The following CDH23 variants were observed in gnomAD, a reference collection of about 807,000 sequenced individuals.
CDH23 encodes the protein cadherin related 23.
CDH23 carries 189 observed loss-of-function variants against 317.1 expected under a neutral mutation model. That is an observed-to-expected ratio of 0.60 (90% CI 0.53 to 0.67). CDH23 has a LOEUF of 0.67. CDH23 is among the 30% of genes least tolerant of loss of function. The pLI, the probability that CDH23 is intolerant of heterozygous loss-of-function variation, is 0.00. For missense variants in CDH23, 4,401 were observed against 4,592.4 expected (o/e 0.96, Z 1.20); for synonymous variants, 1,839 against 1,876.8 (o/e 0.98, Z 0.52).
chr10:71,690,323 C>A, intron 19 of CDH23, 145 bp from the exon 20 acceptor site: 2 of 579,234 alleles, frequency 3.5e-6, no homozygotes, highest in Non-Finnish European at 6.1e-6. Flanking sequence ...ACAGGCAGGC[C>A]TCCCACCTCC....
At chr10:71,447,192 T>C (rs2132025787) in intron 3 of CDH23, among the ~76,000 whole-genome samples, 1 of 152,282 alleles carries the variant, frequency 6.6e-6, no homozygotes, top group East Asian at 1.9e-4. Flanking sequence ...GCCAAGTGCA[T>C]CAGGGGTCAG....
intron 6 of CDH23, among the ~76,000 whole-genome samples, chr10:71,537,609 A>G (rs1855770156): frequency 6.6e-6 from 1 of 152,208 alleles, no homozygotes; most frequent in South Asian, 2.1e-4. Flanking sequence ...CCAGTGATGA[A>G]GGAACAGTGT....
intron 14 of CDH23, among the ~76,000 whole-genome samples, chr10:71,674,064 C>T (rs1205524230): frequency 6.6e-6 from 1 of 152,144 alleles, no homozygotes. Flanking sequence ...AAGAGGCAGC[C>T]CTATACAAGC....
chr10:71,448,776 G>A (rs1051106633), intron 3 of CDH23, among the ~76,000 whole-genome samples: 14 of 152,320 alleles, frequency 9.2e-5, no homozygotes, highest in Admixed American at 2.6e-4. Context: ...AGACCAGCCT[G>A]GAGCCCTCTG....
chr10:71,739,579 C>T, intron 35 of CDH23, 65 bp from the exon 36 acceptor site: 4 of 1,572,714 alleles, frequency 2.5e-6, no homozygotes, highest in South Asian at 2.3e-5. Flanking sequence ...GGGAGTCCCC[C>T]TTGGCTTGAC....
intron 6 of CDH23, among the ~76,000 whole-genome samples, chr10:71,525,923 G>A (rs1008257668): frequency 5.3e-5 from 8 of 152,164 alleles, no homozygotes; most frequent in African/African-American, 1.9e-4. Flanking sequence ...ACCAAACATT[G>A]CCTGAGGGCC....
intron 15 of CDH23, 55 bp downstream of exon 15, chr10:71,675,231 C>T (rs1025593866): frequency 4.1e-6 from 6 of 1,479,516 alleles, no homozygotes; most frequent in South Asian, 1.1e-5. Flanking sequence ...TTGGCCCTCC[C>T]CAGACTCATG....
chr10:71,687,443 G>A (rs184663246), intron 18 of CDH23, among the ~76,000 whole-genome samples: 24 of 152,220 alleles, frequency 1.6e-4, no homozygotes, highest in East Asian at 1.4e-3. Flanking sequence ...TTTCCCCAAG[G>A]CTGGTCCTAC....
At chr10:71,722,454 ACTGAGTGTCAGCCTAGTTCCTCTC>A (rs1282755476) in intron 28 of CDH23, among the ~76,000 whole-genome samples, 1 of 152,214 alleles carries the variant, frequency 6.6e-6, no homozygotes, top group Non-Finnish European at 1.5e-5. Context: ...ATTCGTGCTT[ACTGAGTGTCAGCCTAGTTCCTCTC>A]CCTGGAGCTC....
Position 71,439,212 on chromosome 10 carries a change from T to G in CDH23, c.-5-615T>G, listed in dbSNP as rs559263606. Reference sequence around the variant, plus strand: ...GCTGTGAGGTCCTGGGCAGGTTGCCTCCCCTCTCTGTGCCTCTTTGGACAC... The same window carrying G: ...GCTGTGAGGTCCTGGGCAGGTTGCCGCCCCTCTCTGTGCCTCTTTGGACAC... On this transcript the variant is annotated intron_variant, in intron 1 of 69. Coordinates refer to ENST00000224721, the MANE Select transcript of CDH23 (RefSeq NM_022124.6). Among the ~76,000 whole-genome samples, 17 of 152,268 alleles carry G rather than the reference T, an allele frequency of 1.1e-4. No homozygotes were observed. The South Asian group carries it at 3.1e-3, about 28-fold the overall frequency.
Position 71,751,191 on chromosome 10 carries a change from G to A in CDH23, c.4845+9270G>A, listed in dbSNP as rs957060875. On this transcript the variant is annotated intron_variant, in intron 38 of 69. Coordinates refer to ENST00000224721, the MANE Select transcript of CDH23 (RefSeq NM_022124.6). The surrounding 1 kb of genome is among the most constrained non-coding windows in gnomAD (Gnocchi z 4.9). ...GCCAAGGAGGCCACTCACAGAGCCAGCCCTGGCTCAAATGCACCTGCCCCA... is the reference window on the plus strand; with the variant it reads ...GCCAAGGAGGCCACTCACAGAGCCAACCCTGGCTCAAATGCACCTGCCCCA... The A allele has an allele frequency of 1.1e-5, 17 of 1,563,348 alleles. No individual in the cohort carries two copies. Among genetic ancestry groups the A allele is most frequent in the Non-Finnish European group, 1.5e-5 (17 of 1,148,842 alleles).
At chr10:71,535,337 C>T (rs1855637315) in intron 6 of CDH23, among the ~76,000 whole-genome samples, 1 of 152,204 alleles carries the variant, frequency 6.6e-6, no homozygotes, top group African/African-American at 2.4e-5. Flanking sequence ...CTGATTCCCT[C>T]ACACAGGGCG....
chr10:71,625,426 G>GAAAAAAAAAA (rs1861683349), intron 11 of CDH23, among the ~76,000 whole-genome samples: 1 of 46,092 alleles, frequency 2.2e-5, no homozygotes. Context: ...AAAAAAAAAT[G>GAAAAAAAAAA]ACAAGGAGAA....
At chr10:71,516,431 C>T (rs567012845) in intron 6 of CDH23, among the ~76,000 whole-genome samples, 2 of 152,372 alleles carry the variant, frequency 1.3e-5, no homozygotes, top group East Asian at 3.9e-4. Flanking sequence ...TAACCTGAAC[C>T]ACCTCTCCAT....
rs74234118 is a variant in CDH23 at position 71,504,194 on chromosome 10, A to G, written c.146-5888A>G. On this transcript the variant is annotated intron_variant, in intron 3 of 69. Transcript: ENST00000224721. Reference sequence around the variant, plus strand: ...TTGAAAACTGAAACTGTAGCCATTGAATAATAGTTCTCCATTCTGCCCTTC... The same window carrying G: ...TTGAAAACTGAAACTGTAGCCATTGGATAATAGTTCTCCATTCTGCCCTTC... Among the ~76,000 whole-genome samples, 803 of 152,232 alleles carry G rather than the reference A, an allele frequency of 5.3e-3. 34 individuals carry two copies. In the East Asian group the frequency reaches 0.11, roughly 22 times the overall value.
intron 3 of CDH23, among the ~76,000 whole-genome samples, chr10:71,447,754 C>T (rs1466833099): frequency 6.6e-6 from 1 of 152,144 alleles, no homozygotes; most frequent in Non-Finnish European, 1.5e-5. Flanking sequence ...CTTGGGGACC[C>T]TGCTAAGCTG....
intron 1 of CDH23, among the ~76,000 whole-genome samples, chr10:71,414,721 G>A (rs1172391122): frequency 6.6e-6 from 1 of 152,230 alleles, no homozygotes; most frequent in East Asian, 1.9e-4. Context: ...TACAAATTGG[G>A]AACTGTTCCT....
chr10:71,657,392 C>A (rs1189633909), intron 14 of CDH23, among the ~76,000 whole-genome samples: 1 of 152,248 alleles, frequency 6.6e-6, no homozygotes. Flanking sequence ...CGTACCAATG[C>A]CTGCTGTGTC....
chr10:71,586,905 T>G (rs968068858), intron 9 of CDH23, among the ~76,000 whole-genome samples: 4 of 152,262 alleles, frequency 2.6e-5, no homozygotes, highest in African/African-American at 9.6e-5. Context: ...ATGTTTGCTA[T>G]GCATATTACT....
Sources: allele counts gnomAD v4.1 joint callset (sites outside exome capture counted in the v4.1 genomes callset), GRCh38; gene constraint gnomAD v4.1.1; non-coding constraint Gnocchi (gnomAD v3.1); transcripts MANE v1.5; gene names NCBI Gene and HGNC (gene_info 2026-07-23, HGNC 2026-07-21).